Variants in ZBTB20 observed in about 807,000 individuals in gnomAD.
ZBTB20 encodes the protein zinc finger and BTB domain containing 20, also known as zinc finger and BTB domain-containing protein 20.
Under a neutral mutation model 56.9 loss-of-function variants are expected in ZBTB20, and 9 were observed. That is an observed-to-expected ratio of 0.16 (90% confidence interval 0.10 to 0.28). The LOEUF (loss-of-function observed/expected upper bound fraction) is 0.28. Among genes scored for constraint, ZBTB20 ranks in the 10% least tolerant of loss-of-function variants. ZBTB20 has a pLI of 1.00. For missense variants in ZBTB20, 655 were observed against 1,003.0 expected, an observed-to-expected ratio of 0.65 and a Z score of 4.69; for synonymous variants, 417 against 420.7, an observed-to-expected ratio of 0.99 and a Z score of 0.11.
chr3:114,674,500 G>C (rs1351047376), intron 6 of ZBTB20, among the ~76,000 whole-genome samples: 2 of 152,086 alleles, frequency 1.3e-5, no homozygotes, highest in African/African-American at 4.8e-5. Flanking sequence ...ATGAGCATGT[G>C]GTACCTTGCT....
chr3:114,696,411 C>T (rs1452317397), intron 5 of ZBTB20, among the ~76,000 whole-genome samples: 1 of 152,002 alleles, frequency 6.6e-6, no homozygotes, highest in East Asian at 1.9e-4. Context: ...CCACCCACCT[C>T]CCACCTTTTC....
intron 10 of ZBTB20, among the ~76,000 whole-genome samples, chr3:114,371,622 A>G (rs933346062): frequency 2.6e-5 from 4 of 152,236 alleles, no homozygotes; most frequent in Non-Finnish European, 5.9e-5. Context: ...ATATTGATGG[A>G]TGAATAGTCC....
chr3:114,846,944 C>T (rs1295442090), intron 4 of ZBTB20, among the ~76,000 whole-genome samples: 1 of 152,164 alleles, frequency 6.6e-6, no homozygotes, highest in Admixed American at 6.5e-5. Context: ...TTCTGAAACA[C>T]TCCCAGCGCT....
chr3:114,556,604 C>T (rs887894159), intron 6 of ZBTB20, among the ~76,000 whole-genome samples: 1 of 152,000 alleles, frequency 6.6e-6, no homozygotes, highest in African/African-American at 2.4e-5. Context: ...AGAAAATACA[C>T]TAAGTAATGA....
intron 6 of ZBTB20, among the ~76,000 whole-genome samples, chr3:114,503,831 A>G (rs762055393): frequency 2.0e-5 from 3 of 152,204 alleles, no homozygotes; most frequent in Non-Finnish European, 2.9e-5. Context: ...AAATATTATT[A>G]ATTATAACTT....
At chr3:114,377,060 G>A (rs1049583605) in intron 10 of ZBTB20, among the ~76,000 whole-genome samples, 5 of 152,184 alleles carry the variant, frequency 3.3e-5, no homozygotes, top group African/African-American at 9.7e-5. Context: ...TACTGACTTG[G>A]TTTAGTCCTG....
intron 7 of ZBTB20, chr3:114,445,395 G>A (rs1035765619): frequency 7.2e-5 from 11 of 152,126 alleles, no homozygotes; most frequent in Non-Finnish European, 1.2e-4. Flanking sequence ...TGACTTCTAT[G>A]TCTCACCCTT....
chr3:115,091,957 T>A (rs929975309), intron 1 of ZBTB20, among the ~76,000 whole-genome samples: 1 of 152,180 alleles, frequency 6.6e-6, no homozygotes, highest in East Asian at 1.9e-4. Context: ...GCTGTGGGAA[T>A]GTGAAAGAAG....
chr3:114,614,790 C>T (rs915009874), intron 6 of ZBTB20, among the ~76,000 whole-genome samples: 21 of 152,086 alleles, frequency 1.4e-4, no homozygotes, highest in African/African-American at 3.9e-4. Context: ...CTTGCTCGGT[C>T]GCCCAGGCTG....
rs150032257 is a variant in ZBTB20 at position 114,796,349 on chromosome 3, C to T, written c.-343+4752G>A. 2.0e-3 allele frequency among the ~76,000 whole-genome samples: 305 copies of T among 152,054 alleles called. 1 individual carries two copies. Among genetic ancestry groups the T allele is most frequent in the African/African-American group, 6.5e-3 (272 of 41,552 alleles). On this transcript the variant is annotated intron_variant, in intron 5 of 11. Transcript: ENST00000675478. The stretch of plus-strand genomic sequence containing the variant: ...GAGAACTCGGCCTGAGTTTATAGTA[C>T]ATACAACCCGGTAGGTGACAATTAA...
intron 10 of ZBTB20, among the ~76,000 whole-genome samples, chr3:114,360,038 T>A (rs1397131687): frequency 6.6e-6 from 1 of 152,118 alleles, no homozygotes; most frequent in Non-Finnish European, 1.5e-5. Context: ...AAGAAACTGA[T>A]TTTTTGACTT....
At chr3:114,438,306 C>T (rs960176393) in intron 7 of ZBTB20, among the ~76,000 whole-genome samples, 1 of 151,246 alleles carries the variant, frequency 6.6e-6, no homozygotes, top group East Asian at 2.0e-4. Context: ...ATGTTAGGTG[C>T]TCATTTTAAA....
chr3:114,710,202 A>T (rs1287411238), intron 5 of ZBTB20: 1 of 152,246 alleles, frequency 6.6e-6, no homozygotes, highest in Non-Finnish European at 1.5e-5. Context: ...TTTAAAAAAT[A>T]GCAGACTGAA....
chr3:114,955,647 G>A (rs896492219), intron 3 of ZBTB20, among the ~76,000 whole-genome samples: 1 of 152,112 alleles, frequency 6.6e-6, no homozygotes, highest in African/African-American at 2.4e-5. Flanking sequence ...AAGGGAAGAT[G>A]ATGGTAAGTC....
chr3:114,710,142 AG>A (rs2063969767), intron 5 of ZBTB20: 1 of 152,184 alleles, frequency 6.6e-6, no homozygotes, highest in Non-Finnish European at 1.5e-5. Context: ...GCCCTTAGAA[AG>A]TGTTCACATG....
At chr3:114,712,538 AG>A in intron 5 of ZBTB20, among the ~76,000 whole-genome samples, 1 of 151,972 alleles carries the variant, frequency 6.6e-6, no homozygotes, top group South Asian at 2.1e-4. Flanking sequence ...CTGTAATCCC[AG>A]CTACTCGGGA....
chr3:114,615,302 G>T (rs2057856244), intron 6 of ZBTB20, among the ~76,000 whole-genome samples: 1 of 152,112 alleles, frequency 6.6e-6, no homozygotes, highest in Non-Finnish European at 1.5e-5. Context: ...TTTTCAGTTT[G>T]AGTAAATATC....
At chr3:115,050,760 G>A (rs573769683) in intron 2 of ZBTB20, among the ~76,000 whole-genome samples, 1 of 152,042 alleles carries the variant, frequency 6.6e-6, no homozygotes, top group East Asian at 1.9e-4. Flanking sequence ...TCTGATTAAA[G>A]GCTATGATCA....
intron 6 of ZBTB20, among the ~76,000 whole-genome samples, chr3:114,628,234 ATCTC>A (rs1178896995): frequency 6.6e-6 from 1 of 151,984 alleles, no homozygotes; most frequent in Non-Finnish European, 1.5e-5. Flanking sequence ...TGTATTTGTA[ATCTC>A]TCTCTTTTTT....
Sources: gnomAD v4.1 joint callset for allele counts (sites outside exome capture counted in the v4.1 genomes callset) on GRCh38, gnomAD v4.1.1 for gene constraint, MANE v1.5 for transcripts, NCBI Gene and HGNC (gene_info 2026-07-23, HGNC 2026-07-21) for gene names.